The following CSMD2 variants were observed in gnomAD, a reference collection of about 807,000 sequenced individuals.
CSMD2 encodes CUB and sushi domain-containing protein 2.
In CSMD2, 130 loss-of-function variants were observed where a neutral mutation model predicts 398.5. That is an observed-to-expected ratio of 0.33 (90% confidence interval 0.28 to 0.38). CSMD2 has a LOEUF of 0.38. CSMD2 is among the 10% of genes least tolerant of loss of function. The probability of loss-of-function intolerance (pLI) is 1.00; values close to 1 mark genes in which losing one functional copy is unlikely to be tolerated. For synonymous variants in CSMD2, 1,828 were observed against 1,908.5 expected, an observed-to-expected ratio of 0.96 and a Z score of 1.10; for missense variants, 3,829 against 4,764.9, an observed-to-expected ratio of 0.80 and a Z score of 5.78.
chr1:34,165,323 G>C (rs1641790527), upstream of CSMD2: 2 of 1,198,162 alleles, frequency 1.7e-6, no homozygotes. Flanking sequence ...GCCGGGGGGC[G>C]GGAGGGGGTG....
intron 9 of CSMD2, among the ~76,000 whole-genome samples, chr1:33,811,090 G>A (rs1203621993): frequency 2.0e-5 from 3 of 152,052 alleles, no homozygotes; most frequent in African/African-American, 7.2e-5. Context: ...AACTTCTAAG[G>A]CAGGCTAAGC....
At chr1:33,793,367 A>G (rs1477306051) in intron 10 of CSMD2, among the ~76,000 whole-genome samples, 1 of 152,142 alleles carries the variant, frequency 6.6e-6, no homozygotes, top group African/African-American at 2.4e-5. Flanking sequence ...TCAGGTGCAC[A>G]GGGCCTGAGC....
intron 25 of CSMD2, among the ~76,000 whole-genome samples, chr1:33,669,757 G>C (rs1644430509): frequency 6.6e-6 from 1 of 152,210 alleles, no homozygotes; most frequent in Admixed American, 6.5e-5. Context: ...TACTGGATTA[G>C]GGTGGGCCGT....
intron 2 of CSMD2, among the ~76,000 whole-genome samples, chr1:34,081,617 G>A (rs1204498728): frequency 1.3e-5 from 2 of 152,074 alleles, no homozygotes; most frequent in South Asian, 4.1e-4. Context: ...ACGGGGTTTC[G>A]CCGTGTTGGC....
intron 2 of CSMD2, among the ~76,000 whole-genome samples, chr1:34,051,405 C>T (rs567632119): frequency 2.6e-5 from 4 of 152,128 alleles, no homozygotes; most frequent in East Asian, 1.9e-4. Context: ...GAGTATCCCT[C>T]TTTATTTTGT....
chr1:34,013,410 C>T (rs368053922), intron 3 of CSMD2, among the ~76,000 whole-genome samples: 4 of 152,256 alleles, frequency 2.6e-5, no homozygotes, highest in South Asian at 2.1e-4. Context: ...CTCAGGACCG[C>T]GGGGTAGAAC....
intron 41 of CSMD2, among the ~76,000 whole-genome samples, chr1:33,608,379 C>T (rs1640773526): frequency 6.6e-6 from 1 of 152,146 alleles, no homozygotes; most frequent in African/African-American, 2.4e-5. Context: ...GGCAGCTGTC[C>T]CTGGCACAAT....
chr1:34,135,166 A>T (rs1416966901), intron 1 of CSMD2, among the ~76,000 whole-genome samples: 3 of 151,748 alleles, frequency 2.0e-5, no homozygotes, highest in Non-Finnish European at 4.4e-5. Flanking sequence ...ATTAATGCAA[A>T]TTGGCAAGTT....
At chr1:33,701,440 G>T (rs1452433245) in intron 22 of CSMD2, among the ~76,000 whole-genome samples, 1 of 152,130 alleles carries the variant, frequency 6.6e-6, no homozygotes, top group Admixed American at 6.5e-5. Flanking sequence ...CCAGATAATT[G>T]TACAAATAAC....
intron 56 of CSMD2, among the ~76,000 whole-genome samples, chr1:33,546,816 A>T (rs1452713022): frequency 6.6e-6 from 1 of 151,922 alleles, no homozygotes; most frequent in Non-Finnish European, 1.5e-5. Context: ...TGCTTAGCAT[A>T]GCTTCATTTC....
intron 5 of CSMD2, among the ~76,000 whole-genome samples, chr1:33,912,444 C>A (rs1313754510): frequency 6.6e-6 from 1 of 151,028 alleles, no homozygotes; most frequent in Admixed American, 6.6e-5. Context: ...GCTGGCACTT[C>A]CACTGGCCCC....
intron 13 of CSMD2, among the ~76,000 whole-genome samples, chr1:33,749,942 T>C (rs1647981769): frequency 6.6e-6 from 1 of 152,198 alleles, no homozygotes; most frequent in African/African-American, 2.4e-5. Context: ...AACAATGATA[T>C]GTATGATACA....
intron 2 of CSMD2, among the ~76,000 whole-genome samples, chr1:34,049,482 C>G (rs1422015367): frequency 6.6e-6 from 1 of 152,068 alleles, no homozygotes; most frequent in Non-Finnish European, 1.5e-5. Flanking sequence ...CTGCCTGGAC[C>G]CTTAGGATAA....
At chr1:34,155,310 G>T (rs1201000103) in intron 1 of CSMD2, among the ~76,000 whole-genome samples, 2 of 152,152 alleles carry the variant, frequency 1.3e-5, no homozygotes, top group Admixed American at 6.5e-5. Flanking sequence ...TTCTTTCCAT[G>T]TTCCTTAGAA....
intron 3 of CSMD2, among the ~76,000 whole-genome samples, chr1:33,986,250 C>T (rs571737211): frequency 4.6e-5 from 7 of 152,330 alleles, no homozygotes; most frequent in Non-Finnish European, 7.4e-5. Flanking sequence ...TGCAGCAACA[C>T]CCTCCTACCT....
chr1:33,564,519 C>T (rs1272147244), intron 53 of CSMD2, among the ~76,000 whole-genome samples: 2 of 152,192 alleles, frequency 1.3e-5, no homozygotes, highest in African/African-American at 2.4e-5. Context: ...TGAAACTAAA[C>T]ATGTTTTATT....
intron 3 of CSMD2, among the ~76,000 whole-genome samples, chr1:34,028,376 T>C (rs969468246): frequency 6.6e-6 from 1 of 152,162 alleles, no homozygotes; most frequent in Non-Finnish European, 1.5e-5. Flanking sequence ...CTAAACATTA[T>C]TCCCACTTCA....
intron 12 of CSMD2, among the ~76,000 whole-genome samples, chr1:33,785,209 A>C (rs186576773): frequency 2.4e-4 from 37 of 152,356 alleles, no homozygotes; most frequent in African/African-American, 7.9e-4. Flanking sequence ...ACATAACAAA[A>C]GCTTAGCCAA....
intron 5 of CSMD2, chr1:33,875,678 A>G (rs1640788932): frequency 6.6e-6 from 1 of 152,190 alleles, no homozygotes; most frequent in South Asian, 2.1e-4. Flanking sequence ...CCTGGATTGG[A>G]GACTGGAGGT....
Sources: allele counts gnomAD v4.1 joint callset (sites outside exome capture counted in the v4.1 genomes callset), GRCh38; gene constraint gnomAD v4.1.1; transcripts MANE v1.5; gene names NCBI Gene and HGNC (gene_info 2026-07-23, HGNC 2026-07-21).